The following CADPS variants were observed in gnomAD, a reference collection of about 807,000 sequenced individuals.
CADPS encodes the protein calcium-dependent secretion activator 1.
A neutral mutation model predicts 167.3 loss-of-function variants in CADPS; 57 were observed. The observed-to-expected ratio is 0.34, with a 90% CI of 0.28 to 0.42. CADPS has a LOEUF of 0.42. Ranked by LOEUF, CADPS falls within the 20% of genes least tolerant of loss-of-function variation. The pLI is 1.00. For missense variants in CADPS, 1,414 were observed against 1,738.1 expected (o/e 0.81, Z 3.32); for synonymous variants, 676 against 635.3 (o/e 1.06, Z -0.96).
In CADPS at chr3:62,638,077, T is replaced by TTATATATATATATATATA. The variant is rs928423543; in HGVS notation, c.1325+7644_1325+7645insTATATATATATATATATA. Among the ~76,000 whole-genome samples the TTATATATATATATATATA allele has an allele frequency of 4.2e-3, 153 of 36,708 alleles. 1 individual carries two copies. Among genetic ancestry groups the TTATATATATATATATATA allele is most frequent in the East Asian group, 0.022 (9 of 410 alleles). 24.1% of individuals were successfully genotyped at this position (36,708 alleles called of 152,430 possible). A position where few individuals can be genotyped will look rare whatever the true frequency, so the allele number is the denominator to read the frequency against. ...ATCTGCCCAAGCATTGTTTTAAGCA[T>TTATATATATATATATATA]TATATATATATATATATGTATATAT... On this transcript the variant is annotated intron_variant, in intron 6 of 29. Transcript: ENST00000383710.
Position 62,478,495 on chromosome 3 carries a change from G to A in CADPS, c.3174-79C>T. ...AAAAACTAACACAGAGACAACTGGG[G>A]GCTAGAAGGCAAACAGCAGCTTCAA... On this transcript the variant is annotated intron_variant, in intron 22 of 29. Coordinates refer to ENST00000383710, the MANE Select transcript of CADPS (RefSeq NM_003716.4). This position sits in a 1 kb window ranked among gnomAD's most constrained non-coding sequence, Gnocchi z 5.7. The A allele has an allele frequency of 1.5e-6, 2 of 1,365,406 alleles. No individual in the cohort carries two copies. Among genetic ancestry groups the A allele is most frequent in the Non-Finnish European group, 1.0e-6 (1 of 989,846 alleles). 84.6% of individuals were successfully genotyped at this position (1,365,406 alleles called of 1,614,324 possible).
intron 11 of CADPS, among the ~76,000 whole-genome samples, chr3:62,541,068 T>C (rs979571860): frequency 1.3e-5 from 2 of 152,194 alleles, no homozygotes; most frequent in Admixed American, 6.5e-5. Context: ...GTAAAGTGGC[T>C]GCTTAAAACC....
At chr3:62,717,331 T>C (rs6445293) in intron 3 of CADPS, among the ~76,000 whole-genome samples, 82,678 of 151,526 alleles carry the variant, frequency 0.55, 22,868 homozygotes, top group East Asian at 0.74. Flanking sequence ...CCTGTGGTGT[T>C]TAGCATTTAT....
intron 1 of CADPS, among the ~76,000 whole-genome samples, chr3:62,849,622 G>A (rs1466289366): frequency 7.5e-6 from 1 of 133,396 alleles, no homozygotes; most frequent in Non-Finnish European, 1.6e-5. Flanking sequence ...TCCCAGGGAT[G>A]AAGGCCACTT....
chr3:62,728,725 T>C (rs1422086425), intron 3 of CADPS, among the ~76,000 whole-genome samples: 1 of 151,922 alleles, frequency 6.6e-6, no homozygotes, highest in Non-Finnish European at 1.5e-5. Context: ...GATAACCCCT[T>C]CAACCAAAGG....
At chr3:62,505,721 G>T (rs996564341) in intron 17 of CADPS, among the ~76,000 whole-genome samples, 1 of 152,178 alleles carries the variant, frequency 6.6e-6, no homozygotes, top group African/African-American at 2.4e-5. Context: ...TCATAGCAAA[G>T]CTTCAGCTCC....
At chr3:62,720,812 G>GT (rs563508603) in intron 3 of CADPS, among the ~76,000 whole-genome samples, 1,868 of 135,962 alleles carry the variant, frequency 0.014, 19 homozygotes, top group Non-Finnish European at 0.019. Flanking sequence ...TATATTGTTA[G>GT]TTTTTTTTTT....
At chr3:62,567,464 G>A (rs73104986) in intron 9 of CADPS, among the ~76,000 whole-genome samples, 10,462 of 151,460 alleles carry the variant, frequency 0.069, 448 homozygotes, top group East Asian at 0.23. Context: ...ACAGTCTATC[G>A]GGGAGGCCAG....
rs2093430873 is a variant in CADPS, at chr3:62,796,694, C to A, written c.442-30710G>T. On this transcript the variant is annotated intron_variant, in intron 1 of 29. Coordinates refer to ENST00000383710, the MANE Select transcript of CADPS (RefSeq NM_003716.4). Reference sequence around the variant, plus strand: ...ATTTCACTCTGATTGGAAACCATTTCTGATTCAACTTAAATGACCTGCATA... The same window carrying A: ...ATTTCACTCTGATTGGAAACCATTTATGATTCAACTTAAATGACCTGCATA... 2.0e-5 allele frequency among the ~76,000 whole-genome samples: 3 copies of A among 152,120 alleles called. No homozygotes were observed. In the South Asian group the frequency reaches 6.2e-4, roughly 31 times the overall value.
At chr3:62,643,927 A>G (rs569543475) in intron 6 of CADPS, among the ~76,000 whole-genome samples, 2 of 152,250 alleles carry the variant, frequency 1.3e-5, no homozygotes, top group East Asian at 3.9e-4. Flanking sequence ...AGTAAAAAAG[A>G]AACCACATTT....
chr3:62,498,087 G>C, intron 18 of CADPS: 1 of 456,308 alleles, frequency 2.2e-6, no homozygotes, highest in Non-Finnish European at 4.4e-6. Context: ...ACATGGTACT[G>C]GAAGGGCATG....
At chr3:62,738,067 T>C (rs1245103902) in intron 3 of CADPS, among the ~76,000 whole-genome samples, 2 of 152,198 alleles carry the variant, frequency 1.3e-5, no homozygotes, top group East Asian at 1.9e-4. Context: ...TGGTGTATGA[T>C]AGACACTCAA....
intron 6 of CADPS, among the ~76,000 whole-genome samples, chr3:62,614,854 G>A (rs1013034313): frequency 6.6e-6 from 1 of 152,188 alleles, no homozygotes; most frequent in Non-Finnish European, 1.5e-5. Flanking sequence ...TCTTGGATAA[G>A]TACCCTCACC....
chr3:62,471,875 C>T (rs940992748), intron 24 of CADPS, among the ~76,000 whole-genome samples: 6 of 151,730 alleles, frequency 4.0e-5, no homozygotes, highest in Admixed American at 6.6e-5. Context: ...AGTTGCAAAT[C>T]GTATATATGA....
rs1051179565 is a variant in CADPS, at chr3:62,601,489, A to G, written c.1326-8741T>C. On this transcript the variant is annotated intron_variant, in intron 6 of 29. Coordinates refer to ENST00000383710, the MANE Select transcript of CADPS (RefSeq NM_003716.4). The surrounding 1 kb of genome is among the most constrained non-coding windows in gnomAD (Gnocchi z 4.3). ...TCATTAGCAGATTAGCAGAATGCTCATCTGGGCATACCCACAAAGACGAAC... is the reference window on the plus strand; with the variant it reads ...TCATTAGCAGATTAGCAGAATGCTCGTCTGGGCATACCCACAAAGACGAAC... Among the ~76,000 whole-genome samples, 8 of 152,172 alleles carry G rather than the reference A, an allele frequency of 5.3e-5. No homozygotes were observed. Among genetic ancestry groups the G allele is most frequent in the Non-Finnish European group, 1.2e-4 (8 of 68,044 alleles).
chr3:62,399,663 G>A lies in CADPS; in HGVS notation c.3883-78C>T, dbSNP rs951357250. On this transcript the variant is annotated intron_variant, in intron 29 of 29. Transcript: ENST00000383710. The surrounding 1 kb of genome is among the most constrained non-coding windows in gnomAD (Gnocchi z 5.6). ...AGGGAGAAGGTAAAAGCAGGTGTGGGTGGGAGAGCACTGACCTTCAGCTAA... is the reference window on the plus strand; with the variant it reads ...AGGGAGAAGGTAAAAGCAGGTGTGGATGGGAGAGCACTGACCTTCAGCTAA... 3.3e-6 allele frequency: 4 copies of A among 1,223,528 alleles called. No individual in the cohort carries two copies. Among genetic ancestry groups the A allele is most frequent in the Non-Finnish European group, 3.6e-6 (3 of 843,418 alleles). The allele number at this position is 1,223,528 out of a possible 1,614,324, so 75.8% of individuals were successfully genotyped here.
intron 26 of CADPS, among the ~76,000 whole-genome samples, chr3:62,462,547 C>T (rs541255532): frequency 1.5e-3 from 231 of 152,312 alleles, no homozygotes; most frequent in Non-Finnish European, 2.4e-3. Context: ...TTCTGGGGGG[C>T]AGAGCACATG....
At chr3:62,732,227 G>T (rs1371519685) in intron 3 of CADPS, among the ~76,000 whole-genome samples, 2 of 152,168 alleles carry the variant, frequency 1.3e-5, no homozygotes, top group African/African-American at 2.4e-5. Flanking sequence ...TACAGCAAAA[G>T]CCGTGGAATG....
rs866398058 is a variant in CADPS, at chr3:62,830,471, T to A, written c.441+44118A>T. Among the ~76,000 whole-genome samples, 73 of 152,272 alleles carry A rather than the reference T, an allele frequency of 4.8e-4. No homozygotes were observed. In the Middle Eastern group the frequency reaches 0.01, roughly 21 times the overall value. ...AAATTGGTACACCAGGTGAGAAAAA[T>A]GCTGAAAATACTTGTGCTGTGTCTT... On this transcript the variant is annotated intron_variant, in intron 1 of 29. Coordinates refer to ENST00000383710, the MANE Select transcript of CADPS (RefSeq NM_003716.4).
Sources: gnomAD v4.1 joint callset for allele counts (sites outside exome capture counted in the v4.1 genomes callset) on GRCh38, gnomAD v4.1.1 for gene constraint, Gnocchi (gnomAD v3.1) non-coding constraint, MANE v1.5 for transcripts, NCBI Gene and HGNC (gene_info 2026-07-23, HGNC 2026-07-21) for gene names.